Variants in CPA6 observed in about 807,000 individuals in gnomAD.
The protein encoded by CPA6 is carboxypeptidase B.
A neutral mutation model predicts 63.3 loss-of-function variants in CPA6; 58 were observed. The ratio of observed to expected loss-of-function variants is 0.92; its 90% confidence interval spans 0.74 to 1.14. The LOEUF is 1.14. Ranked by LOEUF, CPA6 falls within the 50% of genes most tolerant of loss-of-function variation. CPA6 has a pLI of 0.00. For missense variants in CPA6, 565 were observed against 526.6 expected (o/e 1.07, Z -0.71); for synonymous variants, 185 against 179.0 (o/e 1.03, Z -0.27).
chr8:67,728,408 C>T (rs538817806), intron 1 of CPA6, among the ~76,000 whole-genome samples: 8 of 152,080 alleles, frequency 5.3e-5, no homozygotes, highest in African/African-American at 1.9e-4. Flanking sequence ...TTTTCCTTTA[C>T]CTCTATAGAA....
intron 2 of CPA6, among the ~76,000 whole-genome samples, chr8:67,606,306 A>G (rs1342623911): frequency 6.6e-6 from 1 of 152,074 alleles, no homozygotes; most frequent in African/African-American, 2.4e-5. Flanking sequence ...CATTGTGCAC[A>G]TGTGCCCTAA....
rs1814672790 is a variant in CPA6 at position 67,607,180 on chromosome 8, CTT to C, written c.192+16994_192+16995del. On this transcript the variant is annotated intron_variant, in intron 2 of 10. Transcript: ENST00000297770. Reference sequence around the variant, plus strand: ...TCTTCTTCTTCTTCCTCTTCTTCTTCTTCTTCTTCTTCTTCTTCTTCTTCTTC... The same window carrying C: ...TCTTCTTCTTCTTCCTCTTCTTCTTCCTTCTTCTTCTTCTTCTTCTTCTTC... Among the ~76,000 whole-genome samples the C allele has an allele frequency of 2.6e-4, 5 of 19,108 alleles. 1 individual carries two copies. The highest frequency in any genetic ancestry group is 4.8e-4 in the Non-Finnish European group (5 of 10,458). 12.5% of individuals were successfully genotyped at this position (19,108 alleles called of 152,430 possible).
chr8:67,699,148 T>A (rs190953738), intron 1 of CPA6, among the ~76,000 whole-genome samples: 62 of 152,212 alleles, frequency 4.1e-4, no homozygotes, highest in Non-Finnish European at 7.8e-4. Context: ...CCAGGTTTAG[T>A]GGCTCACGCC....
intron 1 of CPA6, among the ~76,000 whole-genome samples, chr8:67,691,301 C>T (rs74893583): frequency 0.032 from 4,890 of 152,278 alleles, 92 homozygotes; most frequent in Middle Eastern, 0.044. Context: ...TCTTTGTGTT[C>T]TTCTCCTTCC....
At chr8:67,732,666 G>GT (rs1220642434) in intron 1 of CPA6, 1 of 152,500 alleles carries the variant, frequency 6.6e-6, no homozygotes, top group African/African-American at 2.4e-5. Flanking sequence ...GCTGGAGGAG[G>GT]TAAGAGTTTG....
chr8:67,447,055 CATAT>C, intron 8 of CPA6, among the ~76,000 whole-genome samples: 1 of 140,912 alleles, frequency 7.1e-6, no homozygotes, highest in Admixed American at 7.0e-5. Flanking sequence ...TATACACACA[CATAT>C]ATATACACAC....
intron 2 of CPA6, among the ~76,000 whole-genome samples, chr8:67,595,062 T>A (rs557788879): frequency 2.6e-3 from 393 of 152,290 alleles, no homozygotes; most frequent in Non-Finnish European, 4.8e-3. Context: ...GTTTTTGGTG[T>A]GGATGTCCTT....
At chr8:67,689,860 C>T (rs1450986942) in intron 1 of CPA6, among the ~76,000 whole-genome samples, 2 of 152,186 alleles carry the variant, frequency 1.3e-5, no homozygotes, top group African/African-American at 4.8e-5. Context: ...AACTGCTTTC[C>T]ACATTGGCTG....
chr8:67,495,988 C>A (rs905106710), intron 6 of CPA6, among the ~76,000 whole-genome samples: 2 of 152,172 alleles, frequency 1.3e-5, no homozygotes, highest in Non-Finnish European at 2.9e-5. Flanking sequence ...AAATCTACAA[C>A]GCCCACATAT....
intron 8 of CPA6, among the ~76,000 whole-genome samples, chr8:67,455,217 T>C (rs1810644273): frequency 6.6e-6 from 1 of 152,152 alleles, no homozygotes; most frequent in Non-Finnish European, 1.5e-5. Context: ...ATCATGAGGC[T>C]GTGCTCCAGT....
intron 1 of CPA6, among the ~76,000 whole-genome samples, chr8:67,662,941 T>A (rs1392886282): frequency 6.6e-6 from 1 of 151,994 alleles, no homozygotes; most frequent in Non-Finnish European, 1.5e-5. Flanking sequence ...AGAAGACAGA[T>A]GAGAGGAAAA....
intron 2 of CPA6, among the ~76,000 whole-genome samples, chr8:67,614,378 G>T (rs896350866): frequency 1.3e-5 from 2 of 152,218 alleles, no homozygotes; most frequent in African/African-American, 2.4e-5. Flanking sequence ...ATGAACCCAA[G>T]AAGTATTGTC....
intron 6 of CPA6, among the ~76,000 whole-genome samples, chr8:67,502,614 A>G (rs1811850740): frequency 6.6e-6 from 1 of 152,150 alleles, no homozygotes; most frequent in Non-Finnish European, 1.5e-5. Flanking sequence ...ATATACCTTT[A>G]GTGCTATACA....
rs112687202 is a variant in CPA6 at position 67,447,055 on chromosome 8, CAT to C, written c.839-12817_839-12816del. Among the ~76,000 whole-genome samples, 21 of 140,912 alleles carry C rather than the reference CAT, an allele frequency of 1.5e-4. No individual in the cohort carries two copies. In the South Asian group the frequency reaches 3.4e-3, roughly 23 times the overall value. The allele number at this position is 140,912 out of a possible 152,430, so 92.4% of individuals were successfully genotyped here. A position where few individuals can be genotyped will look rare whatever the true frequency, so the allele number is the denominator to read the frequency against. On this transcript the variant is annotated intron_variant, in intron 8 of 10. Transcript: ENST00000297770. Reference sequence around the variant, plus strand: ...ATACACACATATATATATACACACACATATATATACACACATATATACACATA... The same window carrying C: ...ATACACACATATATATATACACACACATATATACACACATATATACACATA...
chr8:67,522,464 G>A (rs1316587173), intron 2 of CPA6, among the ~76,000 whole-genome samples: 1 of 152,240 alleles, frequency 6.6e-6, no homozygotes, highest in Non-Finnish European at 1.5e-5. Context: ...AGCTACAGGA[G>A]TGAGAAAAAA....
chr8:67,663,216 T>A (rs970886654), intron 1 of CPA6, among the ~76,000 whole-genome samples: 3 of 152,168 alleles, frequency 2.0e-5, no homozygotes, highest in South Asian at 2.1e-4. Context: ...AAATAACAAC[T>A]GAAAACCAGT....
At chr8:67,745,718 C>A (rs975078124) in intron 1 of CPA6, among the ~76,000 whole-genome samples, 2 of 152,148 alleles carry the variant, frequency 1.3e-5, no homozygotes, top group Non-Finnish European at 2.9e-5. Flanking sequence ...CCAAGGCAAA[C>A]ACTGTAAATA....
intron 2 of CPA6, among the ~76,000 whole-genome samples, chr8:67,546,743 A>G (rs1227169363): frequency 6.6e-6 from 1 of 152,008 alleles, no homozygotes; most frequent in African/African-American, 2.4e-5. Flanking sequence ...CTGGCCTCAA[A>G]CTTGGGCTCA....
Position 67,673,874 on chromosome 8 carries a change from A to T in CPA6, c.117-49623T>A, listed in dbSNP as rs192325091. ...GACACAAACAAATGGCTTCTCCTTCAAGAAGCCTTTAATACAATTGTTATA... is the reference window on the plus strand; with the variant it reads ...GACACAAACAAATGGCTTCTCCTTCTAGAAGCCTTTAATACAATTGTTATA... On this transcript the variant is annotated intron_variant, in intron 1 of 10. Coordinates refer to ENST00000297770, the MANE Select transcript of CPA6 (RefSeq NM_020361.5). Among the ~76,000 whole-genome samples, 4 of 152,280 alleles carry T rather than the reference A, an allele frequency of 2.6e-5. No homozygotes were observed. The East Asian group carries it at 7.7e-4, about 29-fold the overall frequency.
Sources: gnomAD v4.1 joint callset for allele counts (sites outside exome capture counted in the v4.1 genomes callset) on GRCh38, gnomAD v4.1.1 for gene constraint, MANE v1.5 for transcripts, NCBI Gene and HGNC (gene_info 2026-07-23, HGNC 2026-07-21) for gene names.